The following TBC1D4 variants were observed in gnomAD, a reference collection of about 807,000 sequenced individuals.
TBC1D4 encodes the protein TBC (Tre-2, BUB2, CDC16) domain-containing protein.
Under a neutral mutation model 142.5 loss-of-function variants are expected in TBC1D4, and 121 were observed. The ratio of observed to expected loss-of-function variants is 0.85; its 90% CI spans 0.73 to 0.99. The LOEUF (loss-of-function observed/expected upper bound fraction) is 0.99, where lower values mean the gene tolerates loss of function less well. Ranked by LOEUF, TBC1D4 falls within the 50% of genes least tolerant of loss-of-function variation. The pLI, the probability that TBC1D4 is intolerant of heterozygous loss-of-function variation, is 0.00. For synonymous variants in TBC1D4, 630 were observed against 628.2 expected (o/e 1.00, Z -0.04); for missense variants, 1,475 against 1,606.6 (o/e 0.92, Z 1.40).
intron 1 of TBC1D4, among the ~76,000 whole-genome samples, chr13:75,412,455 C>T (rs1472344413): frequency 6.6e-6 from 1 of 152,082 alleles, no homozygotes; most frequent in Non-Finnish European, 1.5e-5. Flanking sequence ...CATGCACACA[C>T]ACACGGTTAT....
At chr13:75,319,202 G>T (rs1259720906) in intron 12 of TBC1D4, among the ~76,000 whole-genome samples, 1 of 152,090 alleles carries the variant, frequency 6.6e-6, no homozygotes, top group Admixed American at 6.6e-5. Context: ...ATTTTCTGAG[G>T]ATTTTTTCTC....
At position 75,481,379 on chromosome 13, in the gene TBC1D4, A is replaced by T; in HGVS notation, c.389T>A (p.Ile130Asn). Reference sequence around the variant, plus strand: ...GTAGGTGAGGTCGTGGCTGTTGTGGATGAAGCGCGAGATATGCTGCGCCTT... The same window carrying T: ...GTAGGTGAGGTCGTGGCTGTTGTGGTTGAAGCGCGAGATATGCTGCGCCTT... ...EHKAQHISRF[I>N]HNSHDLTYFA... The change falls in exon 1 of 21, where the codon ATC becomes AAC. Residue 130 changes from isoleucine to asparagine, a missense_variant. Physicochemically the swap from Ile to Asn is moderately radical, Grantham distance 149 (BLOSUM62 -3). Coordinates refer to ENST00000377636, the MANE Select transcript of TBC1D4 (RefSeq NM_014832.5). The T allele has an allele frequency of 6.2e-7, 1 of 1,613,868 alleles. No individual in the cohort carries two copies. Among genetic ancestry groups the T allele is most frequent in the Non-Finnish European group, 8.5e-7 (1 of 1,179,824 alleles).
At chr13:75,433,488 A>G (rs914808359) in intron 1 of TBC1D4, among the ~76,000 whole-genome samples, 1 of 152,212 alleles carries the variant, frequency 6.6e-6, no homozygotes, top group Non-Finnish European at 1.5e-5. Context: ...TGAAAATACA[A>G]GATGCTTTTC....
intron 5 of TBC1D4, among the ~76,000 whole-genome samples, chr13:75,343,234 G>A (rs927644528): frequency 6.6e-6 from 1 of 152,138 alleles, no homozygotes; most frequent in East Asian, 1.9e-4. Context: ...TATACAGGAG[G>A]ATCACCTGAA....
At chr13:75,334,346 G>A (rs533264549) in intron 8 of TBC1D4, among the ~76,000 whole-genome samples, 1 of 151,912 alleles carries the variant, frequency 6.6e-6, no homozygotes, top group East Asian at 1.9e-4. Flanking sequence ...TTTTCCTGCA[G>A]TACTGAAATT....
At position 75,482,053 on chromosome 13, in the gene TBC1D4, T is replaced by G; in HGVS notation, c.-286A>C. The G allele has an allele frequency of 3.0e-6, 1 of 334,760 alleles. No homozygotes were observed. The highest frequency in any genetic ancestry group is 4.8e-5 in the East Asian group (1 of 20,928). 20.7% of individuals were successfully genotyped at this position (334,760 alleles called of 1,614,324 possible). A position where few individuals can be genotyped will look rare whatever the true frequency, so the allele number is the denominator to read the frequency against. On this transcript the variant is annotated 5_prime_UTR_variant, in exon 1 of 21. Coordinates refer to ENST00000377636, the MANE Select transcript of TBC1D4 (RefSeq NM_014832.5). ...TTGGGCTGGCGCCTCGGGCAGGACC[T>G]CCCCTTCCTCCGTCGCGGGTTTGCA...
chr13:75,314,538 G>C (rs1399885808), intron 12 of TBC1D4, among the ~76,000 whole-genome samples: 2 of 152,170 alleles, frequency 1.3e-5, no homozygotes, highest in Non-Finnish European at 2.9e-5. Context: ...GAGCTGCTAT[G>C]CAGAGAGTAA....
At chr13:75,294,301 T>G (rs1419590572) in intron 18 of TBC1D4, among the ~76,000 whole-genome samples, 1 of 152,172 alleles carries the variant, frequency 6.6e-6, no homozygotes, top group Non-Finnish European at 1.5e-5. Context: ...ACTTAGTGTT[T>G]TCCCTGAGCC....
intron 1 of TBC1D4, among the ~76,000 whole-genome samples, chr13:75,421,922 G>A (rs1886188028): frequency 2.6e-5 from 4 of 152,128 alleles, no homozygotes; most frequent in Admixed American, 2.6e-4. Context: ...CATACATGGT[G>A]TACAAAGATT....
Position 75,302,402 on chromosome 13 carries a change from C to T in TBC1D4, c.2753-1G>A, listed in dbSNP as rs1253931112. 4 of 1,614,040 alleles carry T rather than the reference C, an allele frequency of 2.5e-6. No individual in the cohort carries two copies. Among genetic ancestry groups the T allele is most frequent in the Middle Eastern group, 1.6e-4 (1 of 6,062 alleles). ...TCTCCTCGTCGACTTTTGGGAACTC[C>T]TACAATGAAGGAGATAAATAACCAA... On this transcript the variant is annotated splice_acceptor_variant, in intron 15 of 20. Transcript: ENST00000377636. LOFTEE classifies it high-confidence loss of function.
intron 1 of TBC1D4, among the ~76,000 whole-genome samples, chr13:75,399,477 CT>C: frequency 6.6e-6 from 1 of 152,200 alleles, no homozygotes; most frequent in Admixed American, 6.5e-5. Context: ...GGACAAATAA[CT>C]TGTCCTTTTA....
intron 1 of TBC1D4, among the ~76,000 whole-genome samples, chr13:75,468,068 C>T (rs376343697): frequency 3.3e-5 from 5 of 151,998 alleles, no homozygotes; most frequent in East Asian, 1.9e-4. Flanking sequence ...CCTGCCCTGC[C>T]GATTTGTTAA....
intron 1 of TBC1D4, among the ~76,000 whole-genome samples, chr13:75,466,101 T>A (rs1178661100): frequency 6.6e-6 from 1 of 152,210 alleles, no homozygotes; most frequent in Non-Finnish European, 1.5e-5. Context: ...AGGCCGTTGG[T>A]CACTCCTATT....
At chr13:75,413,608 C>A (rs997582339) in intron 1 of TBC1D4, among the ~76,000 whole-genome samples, 16 of 152,012 alleles carry the variant, frequency 1.1e-4, no homozygotes, top group African/African-American at 3.1e-4. Context: ...CATTGGATAC[C>A]CCTGATAAAC....
At chr13:75,353,702 G>A (rs1019171610) in intron 4 of TBC1D4, among the ~76,000 whole-genome samples, 12 of 152,134 alleles carry the variant, frequency 7.9e-5, no homozygotes, top group Non-Finnish European at 1.0e-4. Flanking sequence ...GAAAAGAAGC[G>A]GAAGGGTACT....
intron 8 of TBC1D4, among the ~76,000 whole-genome samples, chr13:75,331,410 A>G (rs1412674716): frequency 6.6e-6 from 1 of 152,078 alleles, no homozygotes; most frequent in Non-Finnish European, 1.5e-5. Context: ...TAAGGCGGGA[A>G]GACTGTTTGA....
At chr13:75,446,626 G>C (rs1045009532) in intron 1 of TBC1D4, among the ~76,000 whole-genome samples, 16 of 152,206 alleles carry the variant, frequency 1.1e-4, no homozygotes, top group Non-Finnish European at 1.5e-5. Context: ...CAGCACCTCA[G>C]TGGAAACAGT....
chr13:75,300,322 A>C (rs1876396969), intron 16 of TBC1D4, among the ~76,000 whole-genome samples: 1 of 152,144 alleles, frequency 6.6e-6, no homozygotes, highest in East Asian at 1.9e-4. Context: ...GCATCACTAA[A>C]AGGAGAGTTC....
chr13:75,308,898 G>A (rs1877458778), intron 14 of TBC1D4, among the ~76,000 whole-genome samples: 1 of 152,084 alleles, frequency 6.6e-6, no homozygotes, highest in Non-Finnish European at 1.5e-5. Context: ...TTTAAAAAAT[G>A]TGCTCTTGCA....
Sources: allele counts gnomAD v4.1 joint callset (sites outside exome capture counted in the v4.1 genomes callset), GRCh38; gene constraint gnomAD v4.1.1; transcripts MANE v1.5; gene names NCBI Gene and HGNC (gene_info 2026-07-23, HGNC 2026-07-21).